RTN1: variants seen among roughly 807,000 people sequenced by gnomAD.
The protein encoded by RTN1 is reticulon-1.
Under a neutral mutation model 65.5 loss-of-function variants are expected in RTN1, and 25 were observed. The ratio of observed to expected loss-of-function variants is 0.38; its 90% confidence interval spans 0.28 to 0.53. RTN1 has a LOEUF of 0.53. RTN1 is among the 20% of genes least tolerant of loss of function. RTN1 has a pLI of 0.79. For missense variants in RTN1, 983 were observed against 1,025.4 expected, an observed-to-expected ratio of 0.96 and a Z score of 0.57; for synonymous variants, 471 against 447.6, an observed-to-expected ratio of 1.05 and a Z score of -0.66.
At chr14:59,757,739 C>T (rs1438423344) in intron 1 of RTN1, among the ~76,000 whole-genome samples, 1 of 152,130 alleles carries the variant, frequency 6.6e-6, no homozygotes, top group African/African-American at 2.4e-5. Flanking sequence ...CTACCAGTGC[C>T]TTGATCTTGG....
intron 2 of RTN1, among the ~76,000 whole-genome samples, chr14:59,731,923 T>C (rs1345834655): frequency 6.6e-6 from 1 of 152,156 alleles, no homozygotes; most frequent in Non-Finnish European, 1.5e-5. Flanking sequence ...TAGGTCCCAA[T>C]TACCATTACT....
chr14:59,809,725 G>A (rs1003736150), intron 1 of RTN1, among the ~76,000 whole-genome samples: 1 of 152,130 alleles, frequency 6.6e-6, no homozygotes, highest in Non-Finnish European at 1.5e-5. Flanking sequence ...TCATGTGAAA[G>A]TCTCCTACCT....
At chr14:59,675,679 A>T (rs1254985614) in intron 3 of RTN1, among the ~76,000 whole-genome samples, 1 of 151,920 alleles carries the variant, frequency 6.6e-6, no homozygotes, top group Non-Finnish European at 1.5e-5. Context: ...AGGTTAAGTA[A>T]CTTGTCTAAA....
chr14:59,819,653 G>C (rs962016876), intron 1 of RTN1, among the ~76,000 whole-genome samples: 6 of 152,010 alleles, frequency 3.9e-5, no homozygotes, highest in African/African-American at 1.4e-4. Context: ...AGCAGGGGAC[G>C]GCGCCCGTCG....
intron 3 of RTN1, among the ~76,000 whole-genome samples, chr14:59,625,389 T>G (rs565621035): frequency 7.9e-5 from 12 of 152,302 alleles, no homozygotes; most frequent in Non-Finnish European, 1.3e-4. Flanking sequence ...AACTGCAACA[T>G]GTAACTAAAA....
intron 1 of RTN1, among the ~76,000 whole-genome samples, chr14:59,776,835 C>G (rs1886060402): frequency 6.6e-6 from 1 of 152,112 alleles, no homozygotes; most frequent in Non-Finnish European, 1.5e-5. Flanking sequence ...CTTTCCAACT[C>G]AGTTTACCAG....
At chr14:59,732,504 C>T (rs1884919761) in intron 2 of RTN1, among the ~76,000 whole-genome samples, 1 of 152,182 alleles carries the variant, frequency 6.6e-6, no homozygotes, top group Non-Finnish European at 1.5e-5. Flanking sequence ...AACACAAAGC[C>T]AAGGGAACCC....
intron 1 of RTN1, among the ~76,000 whole-genome samples, chr14:59,856,081 G>A (rs2139669513): frequency 6.6e-6 from 1 of 152,178 alleles, no homozygotes; most frequent in East Asian, 1.9e-4. Flanking sequence ...TGAGATATAG[G>A]ATGAAAACAG....
chr14:59,644,791 C>G (rs1566671005), intron 3 of RTN1, among the ~76,000 whole-genome samples: 2 of 151,998 alleles, frequency 1.3e-5, no homozygotes, highest in African/African-American at 4.8e-5. Flanking sequence ...CTGTCGTTGC[C>G]TTCAGTACAG....
intron 3 of RTN1, among the ~76,000 whole-genome samples, chr14:59,651,351 T>G (rs1883016235): frequency 1.3e-5 from 2 of 152,120 alleles, no homozygotes; most frequent in African/African-American, 4.8e-5. Flanking sequence ...AAACTGAAAC[T>G]GGACCCCTTG....
intron 2 of RTN1, among the ~76,000 whole-genome samples, chr14:59,745,424 T>C (rs1321279942): frequency 6.6e-6 from 1 of 152,104 alleles, no homozygotes; most frequent in Non-Finnish European, 1.5e-5. Flanking sequence ...ATTTTAATGT[T>C]TCCAGTATGT....
intron 3 of RTN1, among the ~76,000 whole-genome samples, chr14:59,690,456 C>T (rs547765052): frequency 1.3e-5 from 2 of 152,204 alleles, no homozygotes; most frequent in Middle Eastern, 3.4e-3. Flanking sequence ...AAAATAAGTA[C>T]TTCTAGACCT....
chr14:59,718,702 T>A (rs962023014), intron 3 of RTN1, among the ~76,000 whole-genome samples: 1 of 152,156 alleles, frequency 6.6e-6, no homozygotes, highest in Admixed American at 6.5e-5. Context: ...ATAATCCAAA[T>A]GGATGAGTTT....
At chr14:59,735,219 C>T (rs1884978985) in intron 2 of RTN1, among the ~76,000 whole-genome samples, 1 of 152,184 alleles carries the variant, frequency 6.6e-6, no homozygotes, top group South Asian at 2.1e-4. Context: ...GCCTGCCTTG[C>T]CAGAGTTCCT....
intron 1 of RTN1, among the ~76,000 whole-genome samples, chr14:59,758,655 T>C (rs142903071): frequency 6.6e-4 from 100 of 152,340 alleles, no homozygotes; most frequent in Non-Finnish European, 1.3e-3. Context: ...GACCATTCAT[T>C]TGGGACTCAC....
At chr14:59,701,933 C>T (rs1246025403) in intron 3 of RTN1, among the ~76,000 whole-genome samples, 1 of 152,156 alleles carries the variant, frequency 6.6e-6, no homozygotes, top group African/African-American at 2.4e-5. Context: ...CTGTGCCTCA[C>T]TTACCCTAAC....
At chr14:59,750,158 A>T (rs868090037) in intron 1 of RTN1, among the ~76,000 whole-genome samples, 1 of 36,890 alleles carries the variant, frequency 2.7e-5, no homozygotes, top group Non-Finnish European at 4.2e-5. Context: ...ATTATAGATA[A>T]TATATATTAT....
intron 1 of RTN1, among the ~76,000 whole-genome samples, chr14:59,770,896 A>T (rs1465950346): frequency 6.6e-6 from 1 of 152,140 alleles, no homozygotes; most frequent in East Asian, 1.9e-4. Context: ...AATACAAAAA[A>T]ATTAGCCAGG....
intron 1 of RTN1, among the ~76,000 whole-genome samples, chr14:59,835,159 C>A (rs183175842): frequency 6.6e-6 from 1 of 152,032 alleles, no homozygotes; most frequent in Non-Finnish European, 1.5e-5. Context: ...AATGCAGTAC[C>A]CCTCAGCATT....
Sources: allele counts gnomAD v4.1 joint callset (sites outside exome capture counted in the v4.1 genomes callset), GRCh38; gene constraint gnomAD v4.1.1; transcripts MANE v1.5; gene names NCBI Gene and HGNC (gene_info 2026-07-23, HGNC 2026-07-21).